EPB41: variants seen among roughly 807,000 people sequenced by gnomAD.
EPB41 encodes erythrocyte membrane protein band 4.1, also known as protein 4.1.
Under a neutral mutation model 108.0 loss-of-function variants are expected in EPB41, and 65 were observed. That is an observed-to-expected ratio of 0.60 (90% CI 0.49 to 0.74). The LOEUF (loss-of-function observed/expected upper bound fraction) is 0.74, where lower values mean the gene tolerates loss of function less well. EPB41 is among the 30% of genes least tolerant of loss of function. The probability of loss-of-function intolerance (pLI) is 0.00; values close to 1 mark genes in which losing one functional copy is unlikely to be tolerated. For synonymous variants in EPB41, 336 were observed against 358.9 expected (o/e 0.94, Z 0.72); for missense variants, 875 against 1,037.0 (o/e 0.84, Z 2.15).
intron 1 of EPB41, among the ~76,000 whole-genome samples, chr1:28,983,408 T>C (rs1261057254): frequency 6.6e-6 from 1 of 152,216 alleles, no homozygotes; most frequent in East Asian, 1.9e-4. Flanking sequence ...TTTTCTGTGC[T>C]TCCTACTCAA....
At chr1:28,954,287 G>A (rs1274285572) in intron 1 of EPB41, among the ~76,000 whole-genome samples, 1 of 152,188 alleles carries the variant, frequency 6.6e-6, no homozygotes, top group Non-Finnish European at 1.5e-5. Flanking sequence ...CAAAGTAAAA[G>A]AAAAGTGCTA....
At chr1:28,922,434 A>G (rs1220972003) in intron 1 of EPB41, among the ~76,000 whole-genome samples, 1 of 151,210 alleles carries the variant, frequency 6.6e-6, no homozygotes, top group Non-Finnish European at 1.5e-5. Context: ...TTCTCTGAAG[A>G]TTTATTGTTA....
At chr1:28,914,031 G>A (rs1405743754), upstream of EPB41, among the ~76,000 whole-genome samples, 1 of 152,198 alleles carries the variant, frequency 6.6e-6, no homozygotes, top group African/African-American at 2.4e-5. Context: ...CGAATGTCAG[G>A]GTTGGAAGGG....
chr1:28,996,550 A>T (rs1209703027), intron 3 of EPB41, among the ~76,000 whole-genome samples: 1 of 152,158 alleles, frequency 6.6e-6, no homozygotes, highest in Admixed American at 6.6e-5. Context: ...ACAGTTGCTC[A>T]TAGCATGCTA....
rs35413713 is a variant in EPB41, at chr1:29,092,093, CTTTTTTTTTTTT to C, written c.2185-5704_2185-5693del. Among the ~76,000 whole-genome samples, 28 of 113,162 alleles carry C rather than the reference CTTTTTTTTTTTT, an allele frequency of 2.5e-4. 1 individual carries two copies. The highest frequency in any genetic ancestry group is 3.6e-5 in the Non-Finnish European group (2 of 55,010). 74.2% of individuals were successfully genotyped at this position (113,162 alleles called of 152,430 possible). Reference sequence around the variant, plus strand: ...ACTCATAGGAACACCTTCTTACCTTCTTTTTTTTTTTTTTTTTTTTTGAGACGGAGTTTCGTT... The same window carrying C: ...ACTCATAGGAACACCTTCTTACCTTCTTTTTTTTTGAGACGGAGTTTCGTT... On this transcript the variant is annotated intron_variant, in intron 16 of 20. Transcript: ENST00000343067.
At chr1:28,961,876 G>A (rs2095225240) in intron 1 of EPB41, among the ~76,000 whole-genome samples, 1 of 152,078 alleles carries the variant, frequency 6.6e-6, no homozygotes. Context: ...TGTGAGGAGA[G>A]CAAACTGGTT....
chr1:28,976,536 C>T (rs986184830), intron 1 of EPB41, among the ~76,000 whole-genome samples: 2 of 151,714 alleles, frequency 1.3e-5, no homozygotes, highest in Non-Finnish European at 1.5e-5. Context: ...TTATTTTTTG[C>T]AGAGACGAGG....
chr1:29,116,706 CTGTAA>C (rs927530774), intron 20 of EPB41, 108 bp from the exon 21 acceptor site: 2 of 152,198 alleles, frequency 1.3e-5, no homozygotes, highest in Non-Finnish European at 2.9e-5. Flanking sequence ...GGACCAGGCC[CTGTAA>C]ACCTGCTCAC....
chr1:29,036,436 T>G (rs941939180), intron 10 of EPB41, among the ~76,000 whole-genome samples: 2 of 151,976 alleles, frequency 1.3e-5, no homozygotes, highest in Non-Finnish European at 2.9e-5. Context: ...ATTTTTTGTA[T>G]TTTTAATAGA....
chr1:28,928,365 A>G (rs1210040503), intron 1 of EPB41, among the ~76,000 whole-genome samples: 3 of 152,174 alleles, frequency 2.0e-5, no homozygotes, highest in Non-Finnish European at 4.4e-5. Context: ...TATCTGATAC[A>G]GGCCCCACTT....
intron 1 of EPB41, among the ~76,000 whole-genome samples, chr1:28,938,859 G>T (rs1288176848): frequency 6.6e-6 from 1 of 152,160 alleles, no homozygotes; most frequent in Admixed American, 6.5e-5. Context: ...TTGCTTGTTA[G>T]AACTAGTAGT....
At chr1:29,073,957 C>T (rs1170886066) in intron 16 of EPB41, among the ~76,000 whole-genome samples, 1 of 152,098 alleles carries the variant, frequency 6.6e-6, no homozygotes, top group African/African-American at 2.4e-5. Flanking sequence ...TCACTTTCTC[C>T]TAGTTTCCTA....
At chr1:29,068,661 C>T (rs1307736892) in intron 16 of EPB41, 1 of 958,300 alleles carries the variant, frequency 1.0e-6, no homozygotes. Context: ...CTGGGGATAC[C>T]TCTTCCACCT....
At chr1:28,892,304 A>G (rs2090204381) in intron 1 of EPB41, among the ~76,000 whole-genome samples, 1 of 152,094 alleles carries the variant, frequency 6.6e-6, no homozygotes, top group Admixed American at 6.6e-5. Context: ...TGAATGGTTT[A>G]CTGTGTGCCA....
In EPB41 at chr1:29,117,376, CCT is replaced by C. The variant is rs1373996982; in HGVS notation, c.*565_*566del. 1 of 152,682 alleles carries C rather than the reference CCT, an allele frequency of 6.5e-6. No homozygotes were observed. Among genetic ancestry groups the C allele is most frequent in the Non-Finnish European group, 1.5e-5 (1 of 68,094 alleles). 9.5% of individuals were successfully genotyped at this position (152,682 alleles called of 1,614,324 possible). A position where few individuals can be genotyped will look rare whatever the true frequency, so the allele number is the denominator to read the frequency against. Reference sequence around the variant, plus strand: ...GATCCACAGACCTCGGAAAGATGCCCCTGTTCCTTTGTTGCGGGTGGTTTTGG... The same window carrying C: ...GATCCACAGACCTCGGAAAGATGCCCGTTCCTTTGTTGCGGGTGGTTTTGG... On this transcript the variant is annotated 3_prime_UTR_variant, in exon 21 of 21. Transcript: ENST00000343067.
intron 2 of EPB41, 94 bp downstream of exon 2, chr1:28,987,999 A>C (rs1210088610): frequency 2.3e-4 from 310 of 1,321,920 alleles, no homozygotes; most frequent in Non-Finnish European, 3.2e-4. Context: ...GCGGTGGCTC[A>C]TGCCTGTAAT....
At position 29,032,171 on chromosome 1, in the gene EPB41, TA is replaced by T. The variant is rs1287497299; in HGVS notation, c.1213-919del. 2.0e-5 allele frequency among the ~76,000 whole-genome samples: 3 copies of T among 152,070 alleles called. No homozygotes were observed. The East Asian group carries it at 5.8e-4, about 29-fold the overall frequency. The stretch of plus-strand genomic sequence containing the variant: ...GGGTACTACAACTTCTATGAATCTC[TA>T]AAGTATATTGTAGGAAGATCAGTAC... On this transcript the variant is annotated intron_variant, in intron 8 of 20. Coordinates refer to ENST00000343067, the MANE Select transcript of EPB41 (RefSeq NM_001376013.1).
chr1:29,047,984 A>T (rs1643811832), intron 11 of EPB41, among the ~76,000 whole-genome samples: 1 of 151,624 alleles, frequency 6.6e-6, no homozygotes, highest in Admixed American at 6.6e-5. Flanking sequence ...AGGTTTCACC[A>T]TGTTGGTCAG....
intron 16 of EPB41, among the ~76,000 whole-genome samples, chr1:29,092,032 A>G (rs1360823005): frequency 6.6e-6 from 1 of 151,824 alleles, no homozygotes; most frequent in Non-Finnish European, 1.5e-5. Flanking sequence ...TGATTTGAGT[A>G]CTACAGTGTG....
Sources: gnomAD v4.1 joint callset for allele counts (sites outside exome capture counted in the v4.1 genomes callset) on GRCh38, gnomAD v4.1.1 for gene constraint, MANE v1.5 for transcripts, NCBI Gene and HGNC (gene_info 2026-07-23, HGNC 2026-07-21) for gene names.